Variants in DKK2 observed in about 807,000 individuals in gnomAD.
DKK2 encodes dickkopf-related protein 2.
A neutral mutation model predicts 28.1 loss-of-function variants in DKK2; 11 were observed. That is an observed-to-expected ratio of 0.39 (90% CI 0.25 to 0.65). DKK2 has a LOEUF of 0.65. Among genes scored for constraint, DKK2 ranks in the 30% least tolerant of loss-of-function variants. The pLI is 0.47. For synonymous variants in DKK2, 135 were observed against 126.5 expected (o/e 1.07, Z -0.45); for missense variants, 326 against 335.5 (o/e 0.97, Z 0.22).
chr4:107,023,941 C>T (rs531942651), intron 1 of DKK2, among the ~76,000 whole-genome samples: 5 of 152,080 alleles, frequency 3.3e-5, no homozygotes, highest in Non-Finnish European at 7.4e-5. Context: ...ACAAATGGAC[C>T]TATTACATTG....
chr4:106,932,136 G>C (rs2110340542), intron 1 of DKK2, among the ~76,000 whole-genome samples: 1 of 152,202 alleles, frequency 6.6e-6, no homozygotes, highest in South Asian at 2.1e-4. Flanking sequence ...GCACCCCATG[G>C]AAAATATTTC....
At chr4:107,020,505 A>G (rs940920890) in intron 1 of DKK2, among the ~76,000 whole-genome samples, 1 of 152,082 alleles carries the variant, frequency 6.6e-6, no homozygotes, top group Non-Finnish European at 1.5e-5. Context: ...GGGGTTAAGA[A>G]GTTTAGTCTT....
At chr4:107,017,928 T>G (rs1188443750) in intron 1 of DKK2, among the ~76,000 whole-genome samples, 1 of 152,068 alleles carries the variant, frequency 6.6e-6, no homozygotes, top group Non-Finnish European at 1.5e-5. Context: ...TCAGTACAAA[T>G]TTTTAGCTTT....
chr4:106,924,722 G>T (rs755119981), intron 2 of DKK2, 22 bp from the exon 3 acceptor site: 1 of 1,605,316 alleles, frequency 6.2e-7, no homozygotes, highest in East Asian at 2.2e-5. Flanking sequence ...CATATAATCA[G>T]TTAGACTAAT....
intron 1 of DKK2, among the ~76,000 whole-genome samples, chr4:107,024,277 A>G (rs1238907141): frequency 1.3e-5 from 2 of 152,128 alleles, no homozygotes; most frequent in Non-Finnish European, 2.9e-5. Flanking sequence ...GGCATGACAG[A>G]AAAAAATAAA....
chr4:107,002,228 T>C (rs931436325), intron 1 of DKK2, among the ~76,000 whole-genome samples: 39 of 152,348 alleles, frequency 2.6e-4, no homozygotes, highest in African/African-American at 8.4e-4. Flanking sequence ...CAATGTCTAA[T>C]TTCATAGTGC....
intron 1 of DKK2, among the ~76,000 whole-genome samples, chr4:107,015,045 C>A (rs1008890998): frequency 6.6e-6 from 1 of 151,492 alleles, no homozygotes; most frequent in Non-Finnish European, 1.5e-5. Context: ...CCATTTTAAA[C>A]ATATCTTCTC....
rs565185497 is a variant in DKK2 at position 106,977,820 on chromosome 4, T to C, written c.223-51871A>G. On this transcript the variant is annotated intron_variant, in intron 1 of 3. Coordinates refer to ENST00000285311, the MANE Select transcript of DKK2 (RefSeq NM_014421.3). ...ATCCTTTGGAGGAGAAGAGGCGCTC[T>C]GGTTTTTGGAATTTTCTGCCTTTTT... Among the ~76,000 whole-genome samples, 3 of 152,324 alleles carry C rather than the reference T, an allele frequency of 2.0e-5. No individual in the cohort carries two copies. The East Asian group carries it at 5.8e-4, about 29-fold the overall frequency.
At chr4:106,972,398 T>C (rs1722880465) in intron 1 of DKK2, among the ~76,000 whole-genome samples, 1 of 151,336 alleles carries the variant, frequency 6.6e-6, no homozygotes, top group South Asian at 2.1e-4. Context: ...GTTATTATCT[T>C]TCCAGGTTTA....
At chr4:106,929,739 C>T (rs964538492) in intron 1 of DKK2, among the ~76,000 whole-genome samples, 14 of 152,134 alleles carry the variant, frequency 9.2e-5, no homozygotes, top group African/African-American at 2.7e-4. Flanking sequence ...ATTGGTATTT[C>T]GTTTTAGCAT....
intron 1 of DKK2, among the ~76,000 whole-genome samples, chr4:107,009,319 G>A (rs1057166962): frequency 6.6e-6 from 1 of 151,948 alleles, no homozygotes; most frequent in African/African-American, 2.4e-5. Flanking sequence ...TAAAAATAGT[G>A]AAATGTAAAG....
intron 1 of DKK2, among the ~76,000 whole-genome samples, chr4:107,030,047 G>C (rs1337903353): frequency 6.6e-6 from 1 of 151,960 alleles, no homozygotes; most frequent in African/African-American, 2.4e-5. Flanking sequence ...AGGGGTTGTG[G>C]AATACATGTT....
intron 1 of DKK2, among the ~76,000 whole-genome samples, chr4:107,024,361 G>T (rs139002173): frequency 6.6e-6 from 1 of 151,800 alleles, no homozygotes; most frequent in African/African-American, 2.4e-5. Context: ...CTGCCTGCAA[G>T]AACAAAAAAC....
chr4:106,972,626 T>A (rs1163692751), intron 1 of DKK2, among the ~76,000 whole-genome samples: 2 of 152,130 alleles, frequency 1.3e-5, no homozygotes, highest in African/African-American at 2.4e-5. Context: ...AGGATATTTA[T>A]TAATGCAAGG....
chr4:106,935,396 C>T lies in DKK2; in HGVS notation c.223-9447G>A, dbSNP rs574069234. 2.6e-5 allele frequency among the ~76,000 whole-genome samples: 4 copies of T among 152,330 alleles called. No homozygotes were observed. The South Asian group carries it at 6.2e-4, about 24-fold the overall frequency. ...TCGGGTCACTCCCACCCGAATACTG[C>T]GCTTTTCCAATGGGCTTAAAAAACG... On this transcript the variant is annotated intron_variant, in intron 1 of 3. Coordinates refer to ENST00000285311, the MANE Select transcript of DKK2 (RefSeq NM_014421.3).
intron 1 of DKK2, among the ~76,000 whole-genome samples, chr4:106,945,608 C>T (rs796388796): frequency 2.0e-5 from 3 of 152,212 alleles, no homozygotes; most frequent in African/African-American, 7.2e-5. Flanking sequence ...GTTCTGTTCA[C>T]GTCTGCAGTG....
At position 107,035,378 on chromosome 4, in the gene DKK2, G is replaced by A; in HGVS notation, c.214C>T (p.Leu72=). 1 of 1,614,192 alleles carries A rather than the reference G, an allele frequency of 6.2e-7. No individual in the cohort carries two copies. Residue 72 remains leucine (L), a synonymous_variant, in exon 1 of 4, where the codon CTG becomes TTG. Coordinates refer to ENST00000285311, the MANE Select transcript of DKK2 (RefSeq NM_014421.3). ...AFGGSKKGKN[L]GQAYPCSSDK... ...TTTGGGGGTTTTCCTACCTGCCCCA[G>A]GTTTTTGCCCTTCTTACTGCCGCCG...
At chr4:107,018,776 C>T (rs1412568458) in intron 1 of DKK2, among the ~76,000 whole-genome samples, 1 of 151,988 alleles carries the variant, frequency 6.6e-6, no homozygotes, top group African/African-American at 2.4e-5. Context: ...ACACAGTGGA[C>T]AATACGAACT....
chr4:107,035,324 GC>G (rs756953659), intron 1 of DKK2, 45 bp downstream of exon 1: 27 of 1,601,042 alleles, frequency 1.7e-5, no homozygotes, highest in Non-Finnish European at 2.2e-5. Flanking sequence ...AAGAGAGCTG[GC>G]CCCTGCCTCT....
Sources: allele counts gnomAD v4.1 joint callset (sites outside exome capture counted in the v4.1 genomes callset), GRCh38; gene constraint gnomAD v4.1.1; transcripts MANE v1.5; gene names NCBI Gene and HGNC (gene_info 2026-07-23, HGNC 2026-07-21).